The following IQSEC1 variants were observed in gnomAD, a reference collection of about 807,000 sequenced individuals.
IQSEC1 encodes the protein IQ motif and SEC7 domain-containing protein 1.
A neutral mutation model predicts 91.0 loss-of-function variants in IQSEC1; 31 were observed. The ratio of observed to expected loss-of-function variants is 0.34; its 90% CI spans 0.26 to 0.46. The LOEUF is 0.46. Among genes scored for constraint, IQSEC1 ranks in the 20% least tolerant of loss-of-function variants. IQSEC1 has a pLI of 1.00. For synonymous variants in IQSEC1, 699 were observed against 662.6 expected (o/e 1.05, Z -0.84); for missense variants, 1,388 against 1,575.6 (o/e 0.88, Z 2.02).
At chr3:13,186,711 C>T (rs755700630) in intron 1 of IQSEC1, among the ~76,000 whole-genome samples, 3 of 152,104 alleles carry the variant, frequency 2.0e-5, no homozygotes, top group Non-Finnish European at 2.9e-5. Flanking sequence ...TGGCCAGACA[C>T]GTGAACATGG....
intron 1 of IQSEC1, among the ~76,000 whole-genome samples, chr3:13,212,212 T>C (rs1200077823): frequency 6.6e-6 from 1 of 152,236 alleles, no homozygotes; most frequent in Non-Finnish European, 1.5e-5. Flanking sequence ...CTGCAACCAC[T>C]CACTAATCTG....
At chr3:12,914,958 G>A (rs1274315276) in intron 8 of IQSEC1, 146 bp downstream of exon 8, 7 of 767,794 alleles carry the variant, frequency 9.1e-6, no homozygotes, top group African/African-American at 7.0e-5. Flanking sequence ...GGGTAATTAC[G>A]AACATCTGAT....
intron 2 of IQSEC1, among the ~76,000 whole-genome samples, chr3:13,128,147 T>C (rs1269799533): frequency 2.6e-5 from 4 of 152,234 alleles, no homozygotes; most frequent in Non-Finnish European, 5.9e-5. Context: ...CCAATCTGTA[T>C]GACTTTTGTT....
intron 1 of IQSEC1, among the ~76,000 whole-genome samples, chr3:13,253,032 C>A (rs1253307756): frequency 6.6e-6 from 1 of 152,164 alleles, no homozygotes; most frequent in East Asian, 1.9e-4. Flanking sequence ...GCACCCGGTC[C>A]CTTATTATCT....
At chr3:13,068,145 C>T (rs1056504734) in intron 1 of IQSEC1, among the ~76,000 whole-genome samples, 3 of 152,246 alleles carry the variant, frequency 2.0e-5, no homozygotes, top group South Asian at 2.1e-4. Context: ...GGTCCTGCCC[C>T]GGGGCTGGGG....
chr3:12,953,298 G>C (rs1475215258), intron 1 of IQSEC1, among the ~76,000 whole-genome samples: 2 of 152,348 alleles, frequency 1.3e-5, no homozygotes, highest in East Asian at 3.9e-4. Context: ...CCCGATCCGC[G>C]AGGGACACTG....
intron 1 of IQSEC1, among the ~76,000 whole-genome samples, chr3:13,015,424 C>T (rs531949220): frequency 5.9e-5 from 9 of 152,138 alleles, no homozygotes; most frequent in East Asian, 1.9e-4. Context: ...CAGTGAGAAA[C>T]GGGTCACAGA....
chr3:13,054,073 T>C (rs1030836408), intron 1 of IQSEC1, among the ~76,000 whole-genome samples: 1 of 152,130 alleles, frequency 6.6e-6, no homozygotes, highest in Admixed American at 6.5e-5. Flanking sequence ...ATTCCTCCCC[T>C]CGCCCCATGG....
chr3:13,260,817 C>A (rs545551731), intron 1 of IQSEC1, among the ~76,000 whole-genome samples: 1 of 152,314 alleles, frequency 6.6e-6, no homozygotes, highest in African/African-American at 2.4e-5. Flanking sequence ...ACAGGCCCAG[C>A]CAAGGAGGCT....
intron 2 of IQSEC1, among the ~76,000 whole-genome samples, chr3:13,123,299 T>C (rs1475457603): frequency 6.6e-6 from 1 of 152,220 alleles, no homozygotes; most frequent in Non-Finnish European, 1.5e-5. Context: ...ATTTCAAACC[T>C]GTAAATGATG....
upstream of IQSEC1, among the ~76,000 whole-genome samples, chr3:13,077,605 G>C (rs1272178444): frequency 9.8e-5 from 15 of 152,302 alleles, no homozygotes; most frequent in East Asian, 2.7e-3. Flanking sequence ...ACATGGGCTC[G>C]GGCTCTGGTG....
intron 13 of IQSEC1, 150 bp downstream of exon 13, chr3:12,902,623 G>A (rs1377957102): frequency 1.3e-5 from 8 of 605,154 alleles, no homozygotes; most frequent in Non-Finnish European, 2.3e-5. Flanking sequence ...GCATCTCTGT[G>A]CAGTAGGGGA....
intron 2 of IQSEC1, among the ~76,000 whole-genome samples, chr3:13,082,524 G>C (rs1470529805): frequency 6.6e-6 from 1 of 152,192 alleles, no homozygotes; most frequent in Non-Finnish European, 1.5e-5. Context: ...CATGGCCATA[G>C]GGCCCAGGTG....
intron 2 of IQSEC1, among the ~76,000 whole-genome samples, chr3:13,086,025 G>A (rs1386621088): frequency 6.6e-6 from 1 of 152,218 alleles, no homozygotes; most frequent in Non-Finnish European, 1.5e-5. Flanking sequence ...GCCGCCGCAG[G>A]GCTGGCGCTG....
intron 1 of IQSEC1, among the ~76,000 whole-genome samples, chr3:13,237,639 C>T (rs1576305975): frequency 6.6e-6 from 1 of 152,256 alleles, no homozygotes; most frequent in East Asian, 1.9e-4. Flanking sequence ...CAGGACTCCA[C>T]AGGAAAGCAC....
chr3:13,280,945 G>A (rs1007589875), intron 1 of IQSEC1, among the ~76,000 whole-genome samples: 3 of 152,258 alleles, frequency 2.0e-5, no homozygotes, highest in South Asian at 2.1e-4. Context: ...CCGGCTTCCC[G>A]GCCAAGGCGG....
chr3:13,074,130 G>C (rs762895805), upstream of IQSEC1, among the ~76,000 whole-genome samples: 10 of 152,224 alleles, frequency 6.6e-5, no homozygotes, highest in African/African-American at 9.6e-5. Flanking sequence ...TGGTGATAAG[G>C]ATCAGGATGA....
intron 1 of IQSEC1, among the ~76,000 whole-genome samples, chr3:13,196,749 CGTGTGTGTGTGTGTGT>C (rs5846802): frequency 1.8e-4 from 27 of 148,496 alleles, no homozygotes; most frequent in African/African-American, 4.2e-4. Flanking sequence ...CATGTGTGTG[CGTGTGTGTGTGTGTGT>C]GTGTGTGTGT....
In IQSEC1 at chr3:12,898,882, A is replaced by C. The variant is rs185929150; in HGVS notation, c.*2101T>G. On this transcript the variant is annotated 3_prime_UTR_variant, in exon 14 of 14. Transcript: ENST00000613206. ...AATTGCGAGACAGAGTGCTTTGGGGAGCCTGGCTTTTAAAAAAGACCCGAG... is the reference window on the plus strand; with the variant it reads ...AATTGCGAGACAGAGTGCTTTGGGGCGCCTGGCTTTTAAAAAAGACCCGAG... The C allele has an allele frequency of 4.0e-4, 62 of 153,678 alleles. 1 individual carries two copies. The highest frequency in any genetic ancestry group is 8.7e-5 in the Non-Finnish European group (6 of 69,198). The allele number at this position is 153,678 out of a possible 1,614,324, so 9.5% of individuals were successfully genotyped here.
Sources: gnomAD v4.1 joint callset for allele counts (sites outside exome capture counted in the v4.1 genomes callset) on GRCh38, gnomAD v4.1.1 for gene constraint, MANE v1.5 for transcripts, NCBI Gene and HGNC (gene_info 2026-07-23, HGNC 2026-07-21) for gene names.